Variants in CACNA2D2 observed in about 807,000 individuals in gnomAD.
The protein encoded by CACNA2D2 is voltage-dependent calcium channel subunit alpha-2/delta-2.
Under a neutral mutation model 166.4 loss-of-function variants are expected in CACNA2D2, and 48 were observed. The observed-to-expected ratio is 0.29, with a 90% confidence interval of 0.23 to 0.37. The LOEUF is 0.37. Among genes scored for constraint, CACNA2D2 ranks in the 10% least tolerant of loss-of-function variants. The pLI, the probability that CACNA2D2 is intolerant of heterozygous loss-of-function variation, is 1.00. For missense variants in CACNA2D2, 1,122 were observed against 1,433.0 expected (o/e 0.78, Z 3.50); for synonymous variants, 561 against 573.7 (o/e 0.98, Z 0.32).
intron 4 of CACNA2D2, among the ~76,000 whole-genome samples, chr3:50,389,657 T>A (rs1231195519): frequency 2.0e-5 from 3 of 152,224 alleles, no homozygotes; most frequent in Non-Finnish European, 4.4e-5. Flanking sequence ...CTCCAGGGGC[T>A]CTGCTTCTCT....
At chr3:50,381,871 G>A (rs1705334874) in intron 6 of CACNA2D2, among the ~76,000 whole-genome samples, 1 of 151,950 alleles carries the variant, frequency 6.6e-6, no homozygotes, top group Non-Finnish European at 1.5e-5. Context: ...TGCACCTACA[G>A]GGGACACTCA....
chr3:50,444,491 A>G (rs572097389), intron 2 of CACNA2D2, among the ~76,000 whole-genome samples: 9 of 152,296 alleles, frequency 5.9e-5, no homozygotes, highest in Admixed American at 5.2e-4. Flanking sequence ...TTAAAGATGG[A>G]AGTTCAAGTG....
Position 50,380,777 on chromosome 3 carries a change from G to T in CACNA2D2, c.813C>A (p.Ile271=). ...GTCTCCTTCGGACATCGTACAGGTCGATCTTCTTGGGGGCTCGCCACGGGG... is the reference window on the plus strand; with the variant it reads ...GTCTCCTTCGGACATCGTACAGGTCTATCTTCTTGGGGGCTCGCCACGGGG... ...PATPWRAPKK[I]DLYDVRRRPW... Residue 271 remains isoleucine, a synonymous_variant, in exon 8 of 38, where the codon ATC becomes ATA. Transcript: ENST00000424201. This position sits in a 1 kb window ranked among gnomAD's most constrained non-coding sequence, Gnocchi z 4.9. 2 of 1,549,616 alleles carry T rather than the reference G, an allele frequency of 1.3e-6. No individual in the cohort carries two copies. Among genetic ancestry groups the T allele is most frequent in the Non-Finnish European group, 1.7e-6 (2 of 1,148,198 alleles).
chr3:50,392,854 C>T (rs1462467365), intron 4 of CACNA2D2, among the ~76,000 whole-genome samples: 2 of 152,208 alleles, frequency 1.3e-5, no homozygotes, highest in Non-Finnish European at 2.9e-5. Flanking sequence ...GTCCTGTCTC[C>T]TGGGGAAGGG....
At chr3:50,450,599 G>C (rs1709049677) in intron 2 of CACNA2D2, among the ~76,000 whole-genome samples, 1 of 152,176 alleles carries the variant, frequency 6.6e-6, no homozygotes, top group Non-Finnish European at 1.5e-5. Flanking sequence ...CGCCAAATTA[G>C]CAGCCGCCAC....
At chr3:50,391,722 T>C (rs1324142139) in intron 4 of CACNA2D2, among the ~76,000 whole-genome samples, 1 of 152,210 alleles carries the variant, frequency 6.6e-6, no homozygotes, top group African/African-American at 2.4e-5. Context: ...TTGATACCAT[T>C]GTCTGTTCCT....
rs79599437 is a variant in CACNA2D2, at chr3:50,474,458, G to A, written c.288+1660C>T. On this transcript the variant is annotated intron_variant, in intron 2 of 37. Transcript: ENST00000424201. ...GGGGCACATGATGGTACGCTGAGCTGGGATTCCATCTCTGGTTCTCAGAAT... is the reference window on the plus strand; with the variant it reads ...GGGGCACATGATGGTACGCTGAGCTAGGATTCCATCTCTGGTTCTCAGAAT... Among the ~76,000 whole-genome samples the A allele has an allele frequency of 1.1e-4, 16 of 152,292 alleles. No individual in the cohort carries two copies. The East Asian group carries it at 2.9e-3, about 28-fold the overall frequency.
At chr3:50,491,106 T>C (rs1443292064) in intron 1 of CACNA2D2, among the ~76,000 whole-genome samples, 1 of 152,222 alleles carries the variant, frequency 6.6e-6, no homozygotes, top group Non-Finnish European at 1.5e-5. Context: ...CACTCAGTTC[T>C]GAGGGCAGAG....
rs1060504834 is a variant in CACNA2D2 at position 50,364,974 on chromosome 3, G to A, written c.3209-4C>T. 3 of 1,612,624 alleles carry A rather than the reference G, an allele frequency of 1.9e-6. No homozygotes were observed. The highest frequency in any genetic ancestry group is 3.3e-5 in the Admixed American group (2 of 60,000). On this transcript the variant is annotated splice_polypyrimidine_tract_variant and splice_region_variant and intron_variant, in intron 36 of 37. Transcript: ENST00000424201. ...TCACACTGCTCCGGGCCGTCCGCTG[G>A]GCATGGGTGGGGAGTCAAGGAGGCG...
intron 2 of CACNA2D2, among the ~76,000 whole-genome samples, chr3:50,446,286 C>T (rs1223205706): frequency 2.0e-5 from 3 of 152,332 alleles, no homozygotes; most frequent in East Asian, 1.9e-4. Flanking sequence ...GCCTCCACAC[C>T]GGCCATCCAT....
chr3:50,431,378 G>A (rs1290392757), intron 3 of CACNA2D2, among the ~76,000 whole-genome samples: 1 of 152,166 alleles, frequency 6.6e-6, no homozygotes, highest in African/African-American at 2.4e-5. Context: ...ACAGCCAGGG[G>A]TGCTGCAGCA....
chr3:50,401,662 C>A (rs1288078781), intron 3 of CACNA2D2, among the ~76,000 whole-genome samples: 1 of 152,160 alleles, frequency 6.6e-6, no homozygotes, highest in Non-Finnish European at 1.5e-5. Flanking sequence ...CTCCCACTCT[C>A]TCTTATTACT....
At chr3:50,400,353 C>T (rs1009439604) in intron 3 of CACNA2D2, among the ~76,000 whole-genome samples, 15 of 152,206 alleles carry the variant, frequency 9.9e-5, no homozygotes, top group South Asian at 2.1e-4. Flanking sequence ...CAAGCAGGTG[C>T]GTCCACAGTC....
rs1575603126 is a variant in CACNA2D2 at position 50,379,635 on chromosome 3, T to G, written c.994-45A>C. ...GTGAGTGGCCTCAGGCTGGCCGGGGTAGGCAGCTATTGCATGGGGCTGGTG... is the reference window on the plus strand; with the variant it reads ...GTGAGTGGCCTCAGGCTGGCCGGGGGAGGCAGCTATTGCATGGGGCTGGTG... On this transcript the variant is annotated intron_variant, in intron 10 of 37. Coordinates refer to ENST00000424201, the MANE Select transcript of CACNA2D2 (RefSeq NM_006030.4). This position sits in a 1 kb window ranked among gnomAD's most constrained non-coding sequence, Gnocchi z 6.5. The G allele has an allele frequency of 6.2e-7, 1 of 1,612,144 alleles. No individual in the cohort carries two copies. The highest frequency in any genetic ancestry group is 8.5e-7 in the Non-Finnish European group (1 of 1,178,906).
chr3:50,470,454 C>T (rs1218151634), intron 2 of CACNA2D2, among the ~76,000 whole-genome samples: 1 of 152,138 alleles, frequency 6.6e-6, no homozygotes, highest in African/African-American at 2.4e-5. Context: ...CTGATGAGGG[C>T]GTGTGGAAGG....
At chr3:50,403,841 G>A (rs1559915275) in intron 3 of CACNA2D2, among the ~76,000 whole-genome samples, 2 of 152,192 alleles carry the variant, frequency 1.3e-5, no homozygotes, top group Admixed American at 6.5e-5. Flanking sequence ...TCCTCATCCT[G>A]TAGGAGCCAC....
In CACNA2D2 at chr3:50,366,750, C is replaced by T. The variant is rs1704318214; in HGVS notation, c.2589+81G>A. 1.3e-6 allele frequency: 2 copies of T among 1,557,340 alleles called. No individual in the cohort carries two copies. Among genetic ancestry groups the T allele is most frequent in the African/African-American group, 1.4e-5 (1 of 73,746 alleles). ...TGCCTCCATGTAGGTGTTGGAGCCA[C>T]TGAGTGGAGGGTTGGTGGGGGTTCC... On this transcript the variant is annotated intron_variant, in intron 29 of 37. Coordinates refer to ENST00000424201, the MANE Select transcript of CACNA2D2 (RefSeq NM_006030.4). The surrounding 1 kb of genome is among the most constrained non-coding windows in gnomAD (Gnocchi z 5.9).
chr3:50,422,138 C>T (rs555952528), intron 3 of CACNA2D2, among the ~76,000 whole-genome samples: 3 of 152,224 alleles, frequency 2.0e-5, no homozygotes, highest in African/African-American at 7.2e-5. Flanking sequence ...TATCCTGAGT[C>T]AACCCCGACA....
intron 3 of CACNA2D2, among the ~76,000 whole-genome samples, chr3:50,410,122 GTGCTGGGGACAC>G (rs1253748473): frequency 6.6e-6 from 1 of 152,232 alleles, no homozygotes; most frequent in Admixed American, 6.5e-5. Context: ...CATGGCATCA[GTGCTGGGGACAC>G]TGCTGGGGGT....
Sources: gnomAD v4.1 joint callset for allele counts (sites outside exome capture counted in the v4.1 genomes callset) on GRCh38, gnomAD v4.1.1 for gene constraint, Gnocchi (gnomAD v3.1) non-coding constraint, MANE v1.5 for transcripts, NCBI Gene and HGNC (gene_info 2026-07-23, HGNC 2026-07-21) for gene names.